The following TEX11 variants were observed in gnomAD, a reference collection of about 807,000 sequenced individuals.
TEX11 encodes testis-expressed protein 11.
Under a neutral mutation model 84.4 loss-of-function variants are expected in TEX11, and 7 were observed. The observed-to-expected ratio is 0.08, with a 90% confidence interval of 0.05 to 0.16. The LOEUF (loss-of-function observed/expected upper bound fraction) is 0.16. TEX11 is among the 10% of genes least tolerant of loss of function. TEX11 has a pLI of 1.00. For missense variants in TEX11, 551 were observed against 660.5 expected (o/e 0.83, Z 1.82); for synonymous variants, 264 against 222.8 (o/e 1.18, Z -1.64).
intron 9 of TEX11, among the ~76,000 whole-genome samples, chrX:70,750,933 A>AAT (rs1169707708): frequency 0.052 from 1,459 of 28,171 alleles, 75 homozygotes; most frequent in Non-Finnish European, 0.074. Flanking sequence ...AAAAAAAAAA[A>AAT]ATATATATAT....
intron 3 of TEX11, among the ~76,000 whole-genome samples, chrX:70,875,038 T>C (rs1476075479): frequency 9.2e-6 from 1 of 109,167 alleles, no homozygotes; most frequent in Non-Finnish European, 1.9e-5. Context: ...TAGTCGTGCG[T>C]GGTGGCAGGT....
chrX:70,784,572 T>A (rs192041567), intron 9 of TEX11, among the ~76,000 whole-genome samples: 9 of 111,649 alleles, frequency 8.1e-5, no homozygotes, highest in African/African-American at 2.9e-4. Flanking sequence ...ATTGTATATT[T>A]AGAAAACCCC....
At chrX:70,653,229 AGCATT>A (rs1377143084) in intron 16 of TEX11, among the ~76,000 whole-genome samples, 1 of 112,102 alleles carries the variant, frequency 8.9e-6, no homozygotes, top group Non-Finnish European at 1.9e-5. Context: ...TGTGAAAGAC[AGCATT>A]AAGAGAATAA....
chrX:70,644,808 A>T (rs1214238874), intron 17 of TEX11, among the ~76,000 whole-genome samples: 2 of 96,528 alleles, frequency 2.1e-5, no homozygotes, highest in African/African-American at 3.8e-5. Flanking sequence ...GCATTGGGAG[A>T]TATACCTAAT....
At chrX:70,785,588 G>A (rs910228000) in intron 9 of TEX11, among the ~76,000 whole-genome samples, 7 of 111,667 alleles carry the variant, frequency 6.3e-5, no homozygotes, top group Admixed American at 3.8e-4. Context: ...GGGCTAATAC[G>A]CAGAATCTAC....
intron 13 of TEX11, among the ~76,000 whole-genome samples, chrX:70,709,619 C>T (rs1413814576): frequency 6.3e-5 from 7 of 110,960 alleles, no homozygotes; most frequent in Non-Finnish European, 1.3e-4. Context: ...AAAAATAATA[C>T]CATATCAAAT....
intron 13 of TEX11, among the ~76,000 whole-genome samples, chrX:70,713,453 TTGCC>T (rs1569414777): frequency 2.7e-5 from 3 of 112,095 alleles, no homozygotes; most frequent in Admixed American, 1.9e-4. Flanking sequence ...CTATTGATTA[TTGCC>T]TCAATGGCAG....
chrX:70,523,627 C>T, the TEX11 span, among the ~76,000 whole-genome samples: 1 of 110,010 alleles, frequency 9.1e-6, no homozygotes, highest in Non-Finnish European at 1.9e-5. Flanking sequence ...CCACACCTGG[C>T]TAATTTTTTT....
At chrX:70,556,770 C>CTAGCAGTTT (rs1339439156) in intron 25 of TEX11, among the ~76,000 whole-genome samples, 1 of 111,025 alleles carries the variant, frequency 9.0e-6, no homozygotes, top group Non-Finnish European at 1.9e-5. Context: ...CATTTTAGTT[C>CTAGCAGTTT]TAGCAGTTTT....
chrX:70,601,495 G>A (rs2147514198), intron 24 of TEX11, among the ~76,000 whole-genome samples: 1 of 99,393 alleles, frequency 1.0e-5, no homozygotes, highest in African/African-American at 3.7e-5. Flanking sequence ...AGAAAAAGAG[G>A]GAATCCTCCC....
chrX:70,624,719 C>T (rs1209811030), intron 19 of TEX11, 120 bp downstream of exon 19: 1 of 498,123 alleles, frequency 2.0e-6, no homozygotes, highest in African/African-American at 2.5e-5. Flanking sequence ...TCACCCTCCT[C>T]TGCTTCGCTA....
In TEX11 at chrX:70,609,092, T is replaced by C; in HGVS notation, c.1878A>G (p.Thr626=). 1 of 1,199,532 alleles carries C rather than the reference T, an allele frequency of 8.3e-7. No individual in the cohort carries two copies. Among genetic ancestry groups the C allele is most frequent in the African/African-American group, 1.7e-5 (1 of 57,495 alleles). The change falls in exon 22 of 30, where the codon ACA becomes ACG. Residue 626 remains threonine (T), a splice_region_variant and synonymous_variant. Transcript: ENST00000374333. ...RANEAQWFRK[T]AWNLAVQCDK... ...CAGAGCCACAGAATTTCCTCTTACC[T>C]GTTTTTCGAAACCACTGAGCTTCAT...
intron 11 of TEX11, among the ~76,000 whole-genome samples, chrX:70,734,613 C>T (rs1288646754): frequency 2.7e-5 from 3 of 111,973 alleles, no homozygotes; most frequent in Non-Finnish European, 5.6e-5. Flanking sequence ...GCACATTCTA[C>T]TTTGGATATT....
At chrX:70,785,853 G>C (rs1020975966) in intron 9 of TEX11, among the ~76,000 whole-genome samples, 5 of 111,869 alleles carry the variant, frequency 4.5e-5, no homozygotes, top group Admixed American at 9.5e-5. Context: ...AAATAGGAAC[G>C]CTTTTACACT....
Position 70,553,371 on chromosome X carries a change from G to A in TEX11, c.2334C>T (p.Leu778=). 1 of 1,208,443 alleles carries A rather than the reference G, an allele frequency of 8.3e-7. No individual in the cohort carries two copies. Among genetic ancestry groups the A allele is most frequent in the Non-Finnish European group, 1.1e-6 (1 of 893,644 alleles). The change falls in exon 27 of 30, where the codon CTC becomes CTT. Residue 778 remains leucine (L), a synonymous_variant. Transcript: ENST00000374333. ...GCAATAAAGCCTTTTTCAAGGCCTT[G>A]AGAGCAATCAAAGGATAGTGTGCAG... ...EKPAHYPLIA[L]KALKKALLLY... is the part of the protein sequence containing the mutation.
chrX:70,710,674 C>A (rs906195077), intron 13 of TEX11, among the ~76,000 whole-genome samples: 1 of 110,096 alleles, frequency 9.1e-6, no homozygotes, highest in Non-Finnish European at 1.9e-5. Flanking sequence ...CCAGACCCAC[C>A]AAATCAGAAT....
chrX:70,518,245 CT>C, the TEX11 span, among the ~76,000 whole-genome samples: 4 of 111,801 alleles, frequency 3.6e-5, no homozygotes, highest in Non-Finnish European at 7.5e-5. Flanking sequence ...TTCCTGCTTT[CT>C]CTTGTGGGCA....
chrX:70,805,820 C>A (rs1449986848), intron 9 of TEX11, among the ~76,000 whole-genome samples: 1 of 112,226 alleles, frequency 8.9e-6, no homozygotes, highest in African/African-American at 3.2e-5. Flanking sequence ...GTGTCAGAAT[C>A]TGTGCTGGGC....
chrX:70,837,965 A>G (rs1045718018), intron 7 of TEX11, among the ~76,000 whole-genome samples: 1 of 111,892 alleles, frequency 8.9e-6, no homozygotes, highest in South Asian at 3.8e-4. Context: ...AGGTCTGTGG[A>G]TTGTATCAAT....
Sources: allele counts gnomAD v4.1 joint callset (sites outside exome capture counted in the v4.1 genomes callset), GRCh38; gene constraint gnomAD v4.1.1; transcripts MANE v1.5; gene names NCBI Gene and HGNC (gene_info 2026-07-23, HGNC 2026-07-21).